Variants in KTN1 observed in about 807,000 individuals in gnomAD.
KTN1 encodes kinectin 1.
KTN1 carries 130 observed loss-of-function variants against 222.5 expected under a neutral mutation model. The observed-to-expected ratio is 0.58, with a 90% CI of 0.51 to 0.68. The LOEUF (loss-of-function observed/expected upper bound fraction) is 0.68. Among genes scored for constraint, KTN1 ranks in the 30% least tolerant of loss-of-function variants. The pLI is 0.00. For synonymous variants in KTN1, 512 were observed against 496.3 expected (o/e 1.03, Z -0.42); for missense variants, 1,508 against 1,500.4 (o/e 1.01, Z -0.08).
chr14:55,616,407 G>C, intron 2 of KTN1, 110 bp from the exon 3 acceptor site: 1 of 968,182 alleles, frequency 1.0e-6, no homozygotes, highest in Non-Finnish European at 1.5e-6. Flanking sequence ...TTATATGTCA[G>C]ACTTTAAATT....
intron 43 of KTN1, chr14:55,681,360 C>T (rs1391708687): frequency 6.6e-6 from 1 of 152,220 alleles, no homozygotes; most frequent in Non-Finnish European, 1.5e-5. Flanking sequence ...CCTATTACCC[C>T]TTGCCTTTCG....
intron 17 of KTN1, 29 bp downstream of exon 17, chr14:55,641,237 T>G (rs2041769343): frequency 2.3e-6 from 3 of 1,311,360 alleles, no homozygotes; most frequent in Non-Finnish European, 3.2e-6. Flanking sequence ...ACACTCAGGT[T>G]TCTTAGAACA....
intron 34 of KTN1, chr14:55,668,114 A>T (rs2045033357): frequency 6.6e-6 from 1 of 152,118 alleles, no homozygotes; most frequent in Non-Finnish European, 1.5e-5. Context: ...ATTTCAGTAC[A>T]CATTTCTAAA....
intron 25 of KTN1, among the ~76,000 whole-genome samples, chr14:55,652,394 T>C (rs1017071716): frequency 6.7e-5 from 8 of 119,068 alleles, no homozygotes; most frequent in Admixed American, 2.4e-4. Flanking sequence ...CTTAAATGCC[T>C]TTTTTTTTTT....
intron 18 of KTN1, among the ~76,000 whole-genome samples, chr14:55,644,957 A>G (rs977443164): frequency 1.3e-5 from 2 of 152,206 alleles, no homozygotes; most frequent in African/African-American, 2.4e-5. Context: ...CTAGTTGAGT[A>G]TATGCTAGTT....
chr14:55,657,396 C>CCTTTTTT (rs2043595835), intron 29 of KTN1, among the ~76,000 whole-genome samples: 1 of 115,648 alleles, frequency 8.6e-6, no homozygotes, highest in African/African-American at 3.3e-5. Flanking sequence ...ACTGAGTTGA[C>CCTTTTTT]GTTTTTTTTT....
Position 55,668,827 on chromosome 14 carries a change from C to T in KTN1, c.3267+1497C>T, listed in dbSNP as rs577944307. ...GGGTAAGTAAACTTAATGGCTTGTT[C>T]TATTTGTAGTCTGAGTTAAGTATAG... On this transcript the variant is annotated intron_variant, in intron 34 of 43. Transcript: ENST00000395314. The T allele has an allele frequency of 2.5e-3, 375 of 152,090 alleles. 3 individuals are homozygous for T. Among genetic ancestry groups the T allele is most frequent in the African/African-American group, 8.7e-3 (363 of 41,494 alleles). 9.4% of individuals were successfully genotyped at this position (152,090 alleles called of 1,614,324 possible).
At chr14:55,627,355 T>C (rs1304300123) in intron 5 of KTN1, among the ~76,000 whole-genome samples, 1 of 152,240 alleles carries the variant, frequency 6.6e-6, no homozygotes, top group Non-Finnish European at 1.5e-5. Flanking sequence ...TTTTACTTTT[T>C]ATGTAGTACA....
intron 1 of KTN1, among the ~76,000 whole-genome samples, chr14:55,604,857 A>G (rs2036511376): frequency 6.6e-6 from 1 of 151,970 alleles, no homozygotes. Context: ...GATTGCAGGG[A>G]TAAGGTGAAG....
chr14:55,647,547 C>T (rs1292367181), intron 19 of KTN1, among the ~76,000 whole-genome samples: 4 of 138,624 alleles, frequency 2.9e-5, no homozygotes, highest in South Asian at 2.3e-4. Context: ...GCAGGAGAAT[C>T]ACTTGAACCT....
chr14:55,653,738 C>CTAAGTCTCTGTTGGGTAAAAT, intron 28 of KTN1, 142 bp downstream of exon 28: 2 of 584,862 alleles, frequency 3.4e-6, no homozygotes, highest in Non-Finnish European at 3.0e-6. Context: ...CGCAAATAGG[C>CTAAGTCTCTGTTGGGTAAAAT]TAAGTCTCTG....
intron 1 of KTN1, chr14:55,601,972 G>A (rs1418226578): frequency 6.6e-6 from 1 of 152,194 alleles, no homozygotes; most frequent in Non-Finnish European, 1.5e-5. Flanking sequence ...CCTGCCTCAA[G>A]TGATCCACCC....
chr14:55,587,124 A>G (rs1418103102), intron 1 of KTN1, among the ~76,000 whole-genome samples: 1 of 152,126 alleles, frequency 6.6e-6, no homozygotes, highest in Non-Finnish European at 1.5e-5. Context: ...CATCGCTGTG[A>G]ACTATATGTC....
chr14:55,655,887 T>C (rs1179472763), intron 28 of KTN1, among the ~76,000 whole-genome samples, 155 bp from the exon 29 acceptor site: 1 of 152,210 alleles, frequency 6.6e-6, no homozygotes, highest in East Asian at 1.9e-4. Flanking sequence ...ATCCTAGAAA[T>C]ATCTTTTTAA....
intron 28 of KTN1, 138 bp from the exon 29 acceptor site, chr14:55,655,904 T>A: frequency 2.0e-6 from 1 of 501,542 alleles, no homozygotes; most frequent in African/African-American, 2.0e-5. Flanking sequence ...TTAAACAAAC[T>A]TCTAAGTTGG....
intron 15 of KTN1, 55 bp from the exon 16 acceptor site, chr14:55,640,878 T>A: frequency 7.0e-7 from 1 of 1,438,422 alleles, no homozygotes; most frequent in Non-Finnish European, 9.7e-7. Context: ...GTGAAAAAAA[T>A]AGTTTTGAGC....
intron 5 of KTN1, among the ~76,000 whole-genome samples, chr14:55,620,800 A>G (rs1472271126): frequency 6.6e-6 from 1 of 152,216 alleles, no homozygotes; most frequent in Non-Finnish European, 1.5e-5. Context: ...GGTCTTTGAC[A>G]TGCTCTGGAG....
intron 29 of KTN1, 149 bp downstream of exon 29, chr14:55,656,281 G>C: frequency 1.7e-6 from 1 of 600,750 alleles, no homozygotes; most frequent in South Asian, 2.3e-5. Context: ...TGTTTTTTGA[G>C]TAAGTACCCA....
chr14:55,608,033 A>G (rs999327817), intron 1 of KTN1, among the ~76,000 whole-genome samples: 3 of 152,258 alleles, frequency 2.0e-5, no homozygotes, highest in Admixed American at 1.3e-4. Flanking sequence ...TCAACTCAAC[A>G]AACATGTATT....
Sources: allele counts gnomAD v4.1 joint callset (sites outside exome capture counted in the v4.1 genomes callset), GRCh38; gene constraint gnomAD v4.1.1; transcripts MANE v1.5; gene names NCBI Gene and HGNC (gene_info 2026-07-23, HGNC 2026-07-21).